Variants in RIMBP2 observed in about 807,000 individuals in gnomAD.
RIMBP2 encodes the protein RIMS-binding protein 2.
Under a neutral mutation model 118.6 loss-of-function variants are expected in RIMBP2, and 48 were observed. The ratio of observed to expected loss-of-function variants is 0.40; its 90% CI spans 0.32 to 0.51. RIMBP2 has a LOEUF of 0.51. Among genes scored for constraint, RIMBP2 ranks in the 20% least tolerant of loss-of-function variants. The pLI, the probability that RIMBP2 is intolerant of heterozygous loss-of-function variation, is 0.41. For synonymous variants in RIMBP2, 762 were observed against 742.9 expected (o/e 1.03, Z -0.42); for missense variants, 1,551 against 1,768.3 (o/e 0.88, Z 2.20).
intron 2 of RIMBP2, among the ~76,000 whole-genome samples, chr12:130,592,442 GC>G (rs1199420094): frequency 6.6e-6 from 1 of 152,158 alleles, no homozygotes; most frequent in Non-Finnish European, 1.5e-5. Flanking sequence ...TGTAATCCCA[GC>G]ACTCTGGGAG....
chr12:130,487,939 C>A (rs1198186754), intron 4 of RIMBP2, among the ~76,000 whole-genome samples: 1 of 152,184 alleles, frequency 6.6e-6, no homozygotes, highest in Admixed American at 6.5e-5. Context: ...AATGCTGTAA[C>A]CTGCTTGGTA....
In RIMBP2 at chr12:130,517,872, A is replaced by G. The variant is rs2051641516; in HGVS notation, c.-171T>C. On this transcript the variant is annotated 5_prime_UTR_variant, in exon 3 of 23. Transcript: ENST00000690449. ...CTTGTGGGAAGGCCTGCATGATGGG[A>G]TCTCAGGAGATACTCTCCCTGGGTG... 4.1e-6 allele frequency: 4 copies of G among 985,640 alleles called. No individual in the cohort carries two copies. Among genetic ancestry groups the G allele is most frequent in the Non-Finnish European group, 1.2e-6 (1 of 829,920 alleles). 61.1% of individuals were successfully genotyped at this position (985,640 alleles called of 1,614,324 possible).
chr12:130,598,319 T>A (rs1481953791), intron 2 of RIMBP2, among the ~76,000 whole-genome samples: 1 of 152,190 alleles, frequency 6.6e-6, no homozygotes, highest in Non-Finnish European at 1.5e-5. Context: ...TGAATTGATC[T>A]ACAGATTCAA....
chr12:130,472,844 C>T (rs771944089), intron 5 of RIMBP2, among the ~76,000 whole-genome samples: 1 of 152,112 alleles, frequency 6.6e-6, no homozygotes, highest in Non-Finnish European at 1.5e-5. Flanking sequence ...AAGAGCTGGG[C>T]AAGTGACTGG....
In RIMBP2 at chr12:130,688,888, C is replaced by G. The variant is rs2065188124; in HGVS notation, c.-352+27334G>C. Reference sequence around the variant, plus strand: ...AACGTGGGCCTCACGTTGCCTGAGGCAGCCCACCCCACTCTTGCCCAGCAG... The same window carrying G: ...AACGTGGGCCTCACGTTGCCTGAGGGAGCCCACCCCACTCTTGCCCAGCAG... On this transcript the variant is annotated intron_variant, in intron 1 of 22. Transcript: ENST00000690449. This position sits in a 1 kb window ranked among gnomAD's most constrained non-coding sequence, Gnocchi z 4.7. 1.3e-5 allele frequency among the ~76,000 whole-genome samples: 2 copies of G among 152,234 alleles called. No homozygotes were observed. The highest frequency in any genetic ancestry group is 6.5e-5 in the Admixed American group (1 of 15,288).
intron 6 of RIMBP2, among the ~76,000 whole-genome samples, chr12:130,468,735 C>A (rs2080739228): frequency 6.6e-6 from 1 of 152,144 alleles, no homozygotes; most frequent in African/African-American, 2.4e-5. Flanking sequence ...ACCGAATTAA[C>A]CGAATTCAGG....
intron 3 of RIMBP2, among the ~76,000 whole-genome samples, chr12:130,508,029 C>A (rs2138846861): frequency 6.6e-6 from 1 of 152,208 alleles, no homozygotes; most frequent in South Asian, 2.1e-4. Flanking sequence ...ATTTTAATGC[C>A]ATTTTGCTGC....
chr12:130,457,708 G>T (rs564995956), intron 6 of RIMBP2, among the ~76,000 whole-genome samples: 1 of 152,158 alleles, frequency 6.6e-6, no homozygotes, highest in Admixed American at 6.5e-5. Context: ...CTACACTCTC[G>T]GCCCCAAGCC....
chr12:130,460,192 C>T (rs1427958207), intron 6 of RIMBP2, among the ~76,000 whole-genome samples: 2 of 152,104 alleles, frequency 1.3e-5, no homozygotes, highest in South Asian at 2.1e-4. Context: ...TCATCAGGGC[C>T]GGGTTCCCTC....
At chr12:130,482,430 G>A (rs2082092751) in intron 4 of RIMBP2, among the ~76,000 whole-genome samples, 1 of 152,200 alleles carries the variant, frequency 6.6e-6, no homozygotes, top group Non-Finnish European at 1.5e-5. Flanking sequence ...GAAACGAGAA[G>A]GGCCCGAGTG....
intron 19 of RIMBP2, among the ~76,000 whole-genome samples, chr12:130,409,125 T>C (rs1188629254): frequency 2.0e-5 from 3 of 152,134 alleles, no homozygotes; most frequent in African/African-American, 7.2e-5. Context: ...GAAGTCAAAC[T>C]TACATACACG....
At chr12:130,474,178 G>T (rs534172639) in intron 5 of RIMBP2, among the ~76,000 whole-genome samples, 4 of 152,232 alleles carry the variant, frequency 2.6e-5, no homozygotes, top group Admixed American at 1.3e-4. Context: ...GGTCTCAAGT[G>T]GACCACGGGC....
At chr12:130,439,251 T>A (rs1324110584) in intron 11 of RIMBP2, among the ~76,000 whole-genome samples, 2 of 151,892 alleles carry the variant, frequency 1.3e-5, no homozygotes, top group African/African-American at 4.8e-5. Context: ...TATGTATGTA[T>A]ATGTACATGT....
At chr12:130,584,098 C>T (rs1452540382) in intron 2 of RIMBP2, among the ~76,000 whole-genome samples, 1 of 150,050 alleles carries the variant, frequency 6.7e-6, no homozygotes, top group Non-Finnish European at 1.5e-5. Flanking sequence ...ATCACCTCAT[C>T]ACCATTACAT....
At chr12:130,533,333 T>G (rs1012821168) in intron 2 of RIMBP2, among the ~76,000 whole-genome samples, 1 of 152,084 alleles carries the variant, frequency 6.6e-6, no homozygotes, top group Non-Finnish European at 1.5e-5. Flanking sequence ...ATCAGAGAAA[T>G]GCAAACTAAA....
At position 130,434,711 on chromosome 12, in the gene RIMBP2, T is replaced by A. The variant is rs780404523; in HGVS notation, c.2253+23A>T. The A allele has an allele frequency of 1.2e-6, 2 of 1,605,858 alleles. No homozygotes were observed. Among genetic ancestry groups the A allele is most frequent in the Non-Finnish European group, 1.7e-6 (2 of 1,177,280 alleles). ...GAGCCCGCGCCCACCAGGAGGATGG[T>A]GTGGGGCCCGGCCCGCTCTCACCTG... On this transcript the variant is annotated intron_variant, in intron 14 of 22. Coordinates refer to ENST00000690449, the MANE Select transcript of RIMBP2 (RefSeq NM_001393629.1). This position sits in a 1 kb window ranked among gnomAD's most constrained non-coding sequence, Gnocchi z 5.7.
intron 2 of RIMBP2, among the ~76,000 whole-genome samples, chr12:130,614,169 T>C (rs2060755052): frequency 6.6e-6 from 1 of 152,220 alleles, no homozygotes; most frequent in African/African-American, 2.4e-5. Context: ...ACTATGTGAC[T>C]GGAAGCAGAA....
chr12:130,585,887 T>C (rs942146123), intron 2 of RIMBP2, among the ~76,000 whole-genome samples: 1 of 152,088 alleles, frequency 6.6e-6, no homozygotes, highest in Admixed American at 6.5e-5. Context: ...GCCTTTTGAG[T>C]CTGCCAGCCC....
chr12:130,527,286 G>A (rs2052904206), intron 2 of RIMBP2, among the ~76,000 whole-genome samples: 1 of 152,216 alleles, frequency 6.6e-6, no homozygotes, highest in Admixed American at 6.5e-5. Context: ...AAAGGGACTG[G>A]CACTAAAACA....
Sources: allele counts gnomAD v4.1 joint callset (sites outside exome capture counted in the v4.1 genomes callset), GRCh38; gene constraint gnomAD v4.1.1; non-coding constraint Gnocchi (gnomAD v3.1); transcripts MANE v1.5; gene names NCBI Gene and HGNC (gene_info 2026-07-23, HGNC 2026-07-21).